ADAMTS14: variants seen among roughly 807,000 people sequenced by gnomAD.
The protein encoded by ADAMTS14 is ADAM metallopeptidase with thrombospondin type 1 motif 14, also known as A disintegrin and metalloproteinase with thrombospondin motifs 14.
ADAMTS14 carries 100 observed loss-of-function variants against 128.6 expected under a neutral mutation model. The ratio of observed to expected loss-of-function variants is 0.78; its 90% CI spans 0.66 to 0.92. ADAMTS14 has a LOEUF of 0.92. ADAMTS14 is among the 40% of genes least tolerant of loss of function. The pLI is 0.00. For missense variants in ADAMTS14, 1,562 were observed against 1,658.6 expected, an observed-to-expected ratio of 0.94 and a Z score of 1.01; for synonymous variants, 665 against 653.8, an observed-to-expected ratio of 1.02 and a Z score of -0.26.
At chr10:70,747,862 ATATG>A (rs1367262130) in intron 15 of ADAMTS14, among the ~76,000 whole-genome samples, 2 of 152,006 alleles carry the variant, frequency 1.3e-5, no homozygotes, top group African/African-American at 4.8e-5. Context: ...AAACGTGTGA[ATATG>A]TGTGTGTGAG....
rs972042940 is a variant in ADAMTS14 at position 70,753,893 on chromosome 10, T to G, written c.2823T>G (p.Asn941Lys). Residue 941 changes from asparagine to lysine, a missense_variant, in exon 19 of 22, where the codon AAT becomes AAG. Transcript: ENST00000373207. ...TACAGTGCCTGCTGCCCCTCTCCAATGGAACCCACAAGGTCATGCCGGCCA... is the reference window on the plus strand; with the variant it reads ...TACAGTGCCTGCTGCCCCTCTCCAAGGGAACCCACAAGGTCATGCCGGCCA... Reference protein sequence around the residue: ...RGIQCLLPLSNGTHKVMPAKA... With the variant: ...RGIQCLLPLSKGTHKVMPAKA... The G allele has an allele frequency of 8.2e-6, 13 of 1,592,396 alleles. No individual in the cohort carries two copies. The African/African-American group carries it at 1.7e-4, about 21-fold the overall frequency.
chr10:70,706,789 A>G (rs4747080), intron 3 of ADAMTS14, among the ~76,000 whole-genome samples: 111,360 of 152,192 alleles, frequency 0.73, 40,998 homozygotes, highest in East Asian at 0.85. Flanking sequence ...ACAAATGGTG[A>G]CACCAAGCCC....
rs1472279575 is a variant in ADAMTS14, at chr10:70,760,974, T to G, written c.*121T>G. 5 of 1,345,546 alleles carry G rather than the reference T, an allele frequency of 3.7e-6. No homozygotes were observed. The African/African-American group carries it at 4.4e-5, about 12-fold the overall frequency. The allele number at this position is 1,345,546 out of a possible 1,614,324, so 83.4% of individuals were successfully genotyped here. A position where few individuals can be genotyped will look rare whatever the true frequency, so the allele number is the denominator to read the frequency against. ...CAGACTTCATTTTAAATCATTCGCC[T>G]TCTTCTCGTTTGGGGCTGTGATGCT... On this transcript the variant is annotated 3_prime_UTR_variant, in exon 22 of 22. Transcript: ENST00000373207.
chr10:70,685,867 T>TCCCC (rs1178127738), intron 2 of ADAMTS14, among the ~76,000 whole-genome samples: 1 of 152,042 alleles, frequency 6.6e-6, no homozygotes, highest in Non-Finnish European at 1.5e-5. Flanking sequence ...TTTATGAGGC[T>TCCCC]CCCACTATGA....
chr10:70,738,795 C>T (rs765615135), intron 10 of ADAMTS14, 47 bp from the exon 11 acceptor site: 1 of 1,609,262 alleles, frequency 6.2e-7, no homozygotes, highest in South Asian at 1.1e-5. Context: ...CGGGTGGGCT[C>T]AGCAGCAGCA....
chr10:70,736,428 C>T lies in ADAMTS14; in HGVS notation c.1486-252C>T, dbSNP rs138664814. ...CCTCTGTAAAGCGGGGGAGGGAGGC[C>T]TTGGAGAGAGAACGACAAGAGCATG... On this transcript the variant is annotated intron_variant, in intron 9 of 21. Coordinates refer to ENST00000373207, the MANE Select transcript of ADAMTS14 (RefSeq NM_080722.4). 2.6e-4 allele frequency among the ~76,000 whole-genome samples: 39 copies of T among 152,208 alleles called. No individual in the cohort carries two copies. In the East Asian group the frequency reaches 6.8e-3, roughly 26 times the overall value.
intron 7 of ADAMTS14, 124 bp from the exon 8 acceptor site, chr10:70,733,761 C>T (rs1403245998): frequency 1.1e-5 from 14 of 1,267,856 alleles, no homozygotes; most frequent in Non-Finnish European, 1.4e-5. Context: ...AAAACTGAGG[C>T]CAGGAAGAGC....
In ADAMTS14 at chr10:70,752,075, G is replaced by A; in HGVS notation, c.2597-20G>A. 1 of 1,602,026 alleles carries A rather than the reference G, an allele frequency of 6.2e-7. No homozygotes were observed. The highest frequency in any genetic ancestry group is 8.5e-7 in the Non-Finnish European group (1 of 1,174,238). On this transcript the variant is annotated intron_variant, in intron 17 of 21. Coordinates refer to ENST00000373207, the MANE Select transcript of ADAMTS14 (RefSeq NM_080722.4). ...GGGGCCTGGCTGGACTAGGCCCACG[G>A]CAGCCTGCCCACCCCATAGGGATCC... is the stretch of plus-strand genomic sequence containing the variant.
chr10:70,752,889 G>A (rs1842390001), intron 18 of ADAMTS14, among the ~76,000 whole-genome samples: 1 of 152,112 alleles, frequency 6.6e-6, no homozygotes, highest in African/African-American at 2.4e-5. Flanking sequence ...CTCCCTGTCT[G>A]TGCCCAGGCC....
intron 10 of ADAMTS14, among the ~76,000 whole-genome samples, chr10:70,737,435 C>T (rs1428236254): frequency 6.6e-6 from 1 of 152,202 alleles, no homozygotes; most frequent in East Asian, 1.9e-4. Context: ...CCTGACCAAC[C>T]TCAGGGTTGT....
At chr10:70,674,066 C>T (rs1839565795) in intron 1 of ADAMTS14, among the ~76,000 whole-genome samples, 1 of 152,148 alleles carries the variant, frequency 6.6e-6, no homozygotes, top group African/African-American at 2.4e-5. Flanking sequence ...TGACACGTGC[C>T]CATGGTCCCC....
At chr10:70,684,634 T>C (rs72814528) in intron 2 of ADAMTS14, among the ~76,000 whole-genome samples, 25,440 of 152,318 alleles carry the variant, frequency 0.17, 2,694 homozygotes, top group Middle Eastern at 0.24. Context: ...AATTATGCAC[T>C]TAAAGTGCTG....
chr10:70,730,120 C>A lies in ADAMTS14; in HGVS notation c.973C>A (p.Arg325Ser). The A allele has an allele frequency of 1.2e-6, 2 of 1,607,138 alleles. No homozygotes were observed. Among genetic ancestry groups the A allele is most frequent in the Non-Finnish European group, 8.5e-7 (1 of 1,178,956 alleles). The part of the protein sequence containing the change: ...GYRQSLSLIE[R>S]GNPSRSLEQV... ...CCTGCAGTCCCTGAGCCTGATCGAG[C>A]GCGGGAACCCCTCACGCAGCCTGGA... The change falls in exon 6 of 22, where the codon CGC becomes AGC. Residue 325 changes from arginine to serine, a missense_variant. Arg to Ser is a moderately radical substitution (Grantham distance 110). Transcript: ENST00000373207.
chr10:70,708,645 A>T lies in ADAMTS14; in HGVS notation c.737A>T (p.Asp246Val). 1.9e-6 allele frequency: 3 copies of T among 1,613,154 alleles called. No individual in the cohort carries two copies. Among genetic ancestry groups the T allele is most frequent in the Non-Finnish European group, 2.5e-6 (3 of 1,179,486 alleles). The change falls in exon 4 of 22, where the codon GAC becomes GTC. Residue 246 changes from aspartate to valine, a missense_variant. Coordinates refer to ENST00000373207, the MANE Select transcript of ADAMTS14 (RefSeq NM_080722.4). ...LLGLVGDQLG[D>V]TERKRRHAKP... ...GGCCTGGTGGGGGACCAGCTGGGCGACACAGAGCGGAAGCGGCGGCATGCC... is the reference window on the plus strand; with the variant it reads ...GGCCTGGTGGGGGACCAGCTGGGCGTCACAGAGCGGAAGCGGCGGCATGCC...
intron 6 of ADAMTS14, among the ~76,000 whole-genome samples, chr10:70,731,572 T>A (rs148469818): frequency 6.6e-6 from 1 of 152,258 alleles, no homozygotes; most frequent in Non-Finnish European, 1.5e-5. Flanking sequence ...CTGCCATGAT[T>A]CCTGTGTGGC....
At position 70,710,777 on chromosome 10, in the gene ADAMTS14, C is replaced by G. The variant is rs886488964; in HGVS notation, c.870+1999C>G. ...AATGAGCGCATGGTGCACAGCATGG[C>G]CATGCAGAGCATGCGCTGTCAGTGG... On this transcript the variant is annotated intron_variant, in intron 4 of 21. Transcript: ENST00000373207. Among the ~76,000 whole-genome samples, 10 of 152,176 alleles carry G rather than the reference C, an allele frequency of 6.6e-5. No homozygotes were observed. The South Asian group carries it at 2.1e-3, about 32-fold the overall frequency.
intron 10 of ADAMTS14, among the ~76,000 whole-genome samples, chr10:70,737,236 C>T (rs1319625069): frequency 6.6e-6 from 1 of 152,180 alleles, no homozygotes; most frequent in African/African-American, 2.4e-5. Context: ...CACACGTGTT[C>T]TCCCCACACC....
chr10:70,751,776 T>C, intron 17 of ADAMTS14, 130 bp downstream of exon 17: 1 of 1,280,020 alleles, frequency 7.8e-7, no homozygotes, highest in South Asian at 1.5e-5. Flanking sequence ...CTTGAAGATC[T>C]CCAGTGTGTG....
At chr10:70,719,888 C>T (rs563830703) in intron 4 of ADAMTS14, among the ~76,000 whole-genome samples, 37 of 152,338 alleles carry the variant, frequency 2.4e-4, no homozygotes, top group Admixed American at 7.2e-4. Context: ...AGTGGTGAGA[C>T]GTGGCAGAGC....
Sources: gnomAD v4.1 joint callset for allele counts (sites outside exome capture counted in the v4.1 genomes callset) on GRCh38, gnomAD v4.1.1 for gene constraint, MANE v1.5 for transcripts, NCBI Gene and HGNC (gene_info 2026-07-23, HGNC 2026-07-21) for gene names.